The following ERP44 variants were observed in gnomAD, a reference collection of about 807,000 sequenced individuals.
ERP44 encodes the protein endoplasmic reticulum resident protein 44.
ERP44 carries 25 observed loss-of-function variants against 53.4 expected under a neutral mutation model. The ratio of observed to expected loss-of-function variants is 0.47; its 90% CI spans 0.34 to 0.65. The LOEUF is 0.65. ERP44 is among the 30% of genes least tolerant of loss of function. ERP44 has a pLI of 0.01. For synonymous variants in ERP44, 145 were observed against 161.2 expected, an observed-to-expected ratio of 0.90 and a Z score of 0.76; for missense variants, 338 against 493.2, an observed-to-expected ratio of 0.69 and a Z score of 2.98.
rs139174595 is a variant in ERP44, at chr9:99,980,205, G to A, written c.*2407C>T. The A allele has an allele frequency of 2.0e-5, 8 of 396,278 alleles. No individual in the cohort carries two copies. Among genetic ancestry groups the A allele is most frequent in the Non-Finnish European group, 3.6e-5 (8 of 225,082 alleles). 24.5% of individuals were successfully genotyped at this position (396,278 alleles called of 1,614,324 possible). The stretch of plus-strand genomic sequence containing the variant: ...TATTTTGTCTTTACATCTATAACAC[G>A]TTACAGTCATTGTTTACATATCCAT... On this transcript the variant is annotated 3_prime_UTR_variant, in exon 12 of 12. Transcript: ENST00000262455.
intron 1 of ERP44, among the ~76,000 whole-genome samples, chr9:100,091,597 T>C (rs7848856): frequency 0.013 from 1,978 of 152,306 alleles, 34 homozygotes; most frequent in African/African-American, 0.046. Context: ...TACTATGTTA[T>C]TGAGAGGCAC....
At chr9:99,983,619 C>T (rs1215706386) in intron 11 of ERP44, among the ~76,000 whole-genome samples, 1 of 150,660 alleles carries the variant, frequency 6.6e-6, no homozygotes, top group Admixed American at 6.6e-5. Flanking sequence ...ATTGTGACCT[C>T]AAGAGCAGGC....
At chr9:100,083,157 G>C (rs1401725940) in intron 1 of ERP44, among the ~76,000 whole-genome samples, 1 of 151,312 alleles carries the variant, frequency 6.6e-6, no homozygotes, top group East Asian at 1.9e-4. Flanking sequence ...GTAAGGAAAA[G>C]ACAACATCCC....
In ERP44 at chr9:99,988,169, T is replaced by C. The variant is rs1308558630; in HGVS notation, c.1017-3100A>G. 6.6e-5 allele frequency among the ~76,000 whole-genome samples: 10 copies of C among 152,242 alleles called. 1 individual carries two copies. Among genetic ancestry groups the C allele is most frequent in the African/African-American group, 2.4e-4 (10 of 41,462 alleles). On this transcript the variant is annotated intron_variant, in intron 10 of 11. Coordinates refer to ENST00000262455, the MANE Select transcript of ERP44 (RefSeq NM_015051.3). ...TAATTTAGGCATTCTAAAAAATATA[T>C]ACTAATGATGTTGAGCACCCTTCAC...
At chr9:100,014,550 A>G (rs551359981) in intron 8 of ERP44, among the ~76,000 whole-genome samples, 1 of 152,338 alleles carries the variant, frequency 6.6e-6, no homozygotes, top group East Asian at 1.9e-4. Flanking sequence ...TGGCCTCCCA[A>G]AGTGCTGGGA....
intron 4 of ERP44, among the ~76,000 whole-genome samples, chr9:100,029,719 C>T (rs555462543): frequency 6.6e-6 from 1 of 152,310 alleles, no homozygotes; most frequent in East Asian, 1.9e-4. Context: ...ATCTGCACCA[C>T]CGTGTTTACT....
chr9:100,043,348 T>A (rs1825933923), intron 4 of ERP44, among the ~76,000 whole-genome samples: 1 of 146,210 alleles, frequency 6.8e-6, no homozygotes, highest in Non-Finnish European at 1.5e-5. Flanking sequence ...AGAAACTAAT[T>A]TAATTGTACT....
intron 1 of ERP44, among the ~76,000 whole-genome samples, chr9:100,067,703 G>C (rs1169242674): frequency 5.3e-5 from 8 of 151,602 alleles, no homozygotes; most frequent in African/African-American, 1.9e-4. Flanking sequence ...TCTGGAAAGT[G>C]AGGAGCGTCT....
chr9:100,012,617 G>A (rs1830486582), intron 8 of ERP44, among the ~76,000 whole-genome samples: 2 of 151,984 alleles, frequency 1.3e-5, no homozygotes, highest in African/African-American at 2.4e-5. Flanking sequence ...ATTATTTTAT[G>A]GTGGAAAAGG....
rs998068296 is a variant in ERP44, at chr9:100,027,935, C to CA, written c.287-5710dup. Among the ~76,000 whole-genome samples, 10 of 152,154 alleles carry CA rather than the reference C, an allele frequency of 6.6e-5. No individual in the cohort carries two copies. In the South Asian group the frequency reaches 1.2e-3, roughly 19 times the overall value. ...AAAACCCCAAAAAGACAAACATCCC[C>CA]AAAAAACAAAACAAAATACCTCAAC... is the stretch of plus-strand genomic sequence containing the variant. On this transcript the variant is annotated intron_variant, in intron 4 of 11. Coordinates refer to ENST00000262455, the MANE Select transcript of ERP44 (RefSeq NM_015051.3).
intron 1 of ERP44, among the ~76,000 whole-genome samples, chr9:100,061,214 G>A (rs563866258): frequency 8.5e-5 from 13 of 152,110 alleles, no homozygotes; most frequent in South Asian, 8.3e-4. Flanking sequence ...AGGCCAAGGC[G>A]GGCAGATCAC....
chr9:99,980,199 T>TAAC lies in ERP44; in HGVS notation c.*2410_*2412dup. ...AACCTTTATTTTGTCTTTACATCTATAACACGTTACAGTCATTGTTTACAT... is the reference window on the plus strand; with the variant it reads ...AACCTTTATTTTGTCTTTACATCTATAACAACACGTTACAGTCATTGTTTACAT... On this transcript the variant is annotated 3_prime_UTR_variant, in exon 12 of 12. Transcript: ENST00000262455. 2.5e-6 allele frequency: 1 copy of TAAC among 396,926 alleles called. No homozygotes were observed. Among genetic ancestry groups the TAAC allele is most frequent in the Non-Finnish European group, 4.4e-6 (1 of 225,326 alleles). The allele number at this position is 396,926 out of a possible 1,614,324, so 24.6% of individuals were successfully genotyped here. A position where few individuals can be genotyped will look rare whatever the true frequency, so the allele number is the denominator to read the frequency against.
chr9:99,983,154 T>C (rs1393327468), intron 11 of ERP44, among the ~76,000 whole-genome samples: 1 of 152,158 alleles, frequency 6.6e-6, no homozygotes, highest in Admixed American at 6.5e-5. Context: ...TATTACAACT[T>C]AGTTGAAATA....
intron 1 of ERP44, among the ~76,000 whole-genome samples, chr9:100,068,708 G>A (rs1432078194): frequency 6.7e-6 from 1 of 149,694 alleles, no homozygotes; most frequent in Non-Finnish European, 1.5e-5. Flanking sequence ...CCGTCCGGGA[G>A]GTGAGGGGCG....
intron 4 of ERP44, 138 bp from the exon 5 acceptor site, chr9:100,022,364 T>A (rs781230171): frequency 1.3e-4 from 78 of 607,558 alleles, no homozygotes; most frequent in Middle Eastern, 4.3e-4. Context: ...GAGAAAAAAA[T>A]AATAATAATC....
rs773812356 is a variant in ERP44, at chr9:99,985,113, T to C, written c.1017-44A>G. ...AAAATGTAAACTGTTAAAATGGACT[T>C]ATCTCTATTTTACCAACTTCACAGT... On this transcript the variant is annotated intron_variant, in intron 10 of 11. Transcript: ENST00000262455. 4.5e-6 allele frequency: 6 copies of C among 1,323,614 alleles called. No homozygotes were observed. The South Asian group carries it at 4.8e-5, about 11-fold the overall frequency. 82.0% of individuals were successfully genotyped at this position (1,323,614 alleles called of 1,614,324 possible).
intron 1 of ERP44, among the ~76,000 whole-genome samples, chr9:100,070,856 C>T (rs534672904): frequency 6.6e-6 from 1 of 152,082 alleles, no homozygotes; most frequent in African/African-American, 2.4e-5. Flanking sequence ...GGCCTCCCCC[C>T]AGAAGTAGAC....
At chr9:100,077,857 T>C (rs963759387) in intron 1 of ERP44, among the ~76,000 whole-genome samples, 1 of 152,122 alleles carries the variant, frequency 6.6e-6, no homozygotes, top group African/African-American at 2.4e-5. Flanking sequence ...TGTCTCTTAG[T>C]ATTACTATGC....
intron 11 of ERP44, among the ~76,000 whole-genome samples, chr9:99,983,008 C>T (rs2118594109): frequency 6.6e-6 from 1 of 152,254 alleles, no homozygotes; most frequent in Middle Eastern, 3.4e-3. Flanking sequence ...TGGGTGCTTT[C>T]CTAGACTAGT....
Sources: gnomAD v4.1 joint callset for allele counts (sites outside exome capture counted in the v4.1 genomes callset) on GRCh38, gnomAD v4.1.1 for gene constraint, MANE v1.5 for transcripts, NCBI Gene and HGNC (gene_info 2026-07-23, HGNC 2026-07-21) for gene names.